ARHGEF26: variants seen among roughly 807,000 people sequenced by gnomAD.
ARHGEF26 encodes Rho guanine nucleotide exchange factor (GEF) 26.
ARHGEF26 carries 59 observed loss-of-function variants against 89.4 expected under a neutral mutation model. The ratio of observed to expected loss-of-function variants is 0.66; its 90% CI spans 0.54 to 0.82. ARHGEF26 has a LOEUF of 0.82. ARHGEF26 is among the 40% of genes least tolerant of loss of function. The pLI is 0.00. For missense variants in ARHGEF26, 1,234 were observed against 1,085.6 expected (o/e 1.14, Z -1.92); for synonymous variants, 500 against 428.4 (o/e 1.17, Z -2.06).
At chr3:154,202,038 G>C (rs1368025895) in intron 9 of ARHGEF26, among the ~76,000 whole-genome samples, 1 of 152,100 alleles carries the variant, frequency 6.6e-6, no homozygotes, top group Non-Finnish European at 1.5e-5. Flanking sequence ...TTTGGCTTTT[G>C]TTGCCATTTG....
At chr3:154,206,805 G>C (rs151021164) in intron 9 of ARHGEF26, among the ~76,000 whole-genome samples, 1 of 152,122 alleles carries the variant, frequency 6.6e-6, no homozygotes, top group Non-Finnish European at 1.5e-5. Context: ...AAATAGCCAA[G>C]GCAATTCTAA....
chr3:154,160,809 A>G (rs776072252), intron 6 of ARHGEF26, among the ~76,000 whole-genome samples: 3 of 152,160 alleles, frequency 2.0e-5, no homozygotes, highest in Admixed American at 6.6e-5. Flanking sequence ...GGTTAAAGGT[A>G]ATTCCTAGGT....
At chr3:154,170,880 A>T (rs1712389392) in intron 6 of ARHGEF26, among the ~76,000 whole-genome samples, 1 of 152,208 alleles carries the variant, frequency 6.6e-6, no homozygotes, top group Non-Finnish European at 1.5e-5. Flanking sequence ...TAATGTAAGG[A>T]TGATTCATAA....
intron 6 of ARHGEF26, among the ~76,000 whole-genome samples, chr3:154,168,985 T>TG (rs1712230821): frequency 6.7e-6 from 1 of 149,190 alleles, no homozygotes; most frequent in Non-Finnish European, 1.5e-5. Context: ...AAGACTGTAG[T>TG]GAAAAAAAAA....
At chr3:154,175,971 G>A (rs549589791) in intron 6 of ARHGEF26, among the ~76,000 whole-genome samples, 1 of 152,200 alleles carries the variant, frequency 6.6e-6, no homozygotes, top group Non-Finnish European at 1.5e-5. Context: ...TTTGTTATTA[G>A]CACAGGTGCC....
chr3:154,226,690 CACACA>C (rs1559912587), intron 11 of ARHGEF26, among the ~76,000 whole-genome samples: 1 of 151,964 alleles, frequency 6.6e-6, no homozygotes, highest in South Asian at 2.1e-4. Context: ...CACACACACA[CACACA>C]CCCCTTCAGC....
At position 154,122,226 on chromosome 3, in the gene ARHGEF26, TAGG is replaced by T. The variant is rs1717990278; in HGVS notation, c.237_239del (p.Arg79del). The T allele has an allele frequency of 6.2e-7, 1 of 1,609,400 alleles. No homozygotes were observed. Among genetic ancestry groups the T allele is most frequent in the Non-Finnish European group, 8.5e-7 (1 of 1,178,268 alleles). ...CCGCCTCGGACAGCAGGACGGTACA[TAGG>T]AGCCCCCTGCTTCTGGGCGCCCAGC... On this transcript the variant is annotated inframe_deletion, in exon 2 of 15. Transcript: ENST00000465093.
chr3:154,190,629 T>G (rs1713894759), intron 7 of ARHGEF26, among the ~76,000 whole-genome samples: 1 of 152,234 alleles, frequency 6.6e-6, no homozygotes, highest in Non-Finnish European at 1.5e-5. Context: ...AATCCCTATC[T>G]GGCCTTCCTT....
intron 6 of ARHGEF26, among the ~76,000 whole-genome samples, chr3:154,169,330 C>T (rs560553606): frequency 1.3e-5 from 2 of 152,004 alleles, no homozygotes; most frequent in East Asian, 1.9e-4. Flanking sequence ...AAAATCAATA[C>T]TTGTGGTTTT....
intron 6 of ARHGEF26, among the ~76,000 whole-genome samples, chr3:154,166,144 C>A (rs549537842): frequency 6.6e-6 from 1 of 152,090 alleles, no homozygotes; most frequent in Non-Finnish European, 1.5e-5. Context: ...CATGTTCAAG[C>A]GATTCTCCTG....
Position 154,254,773 on chromosome 3 carries a change from C to A in ARHGEF26, c.2422C>A (p.Leu808Ile). Reference protein sequence around the residue: ...RSFTAKQPDELSLQVADVVLI... With the variant: ...RSFTAKQPDEISLQVADVVLI... ...ATTTACTGCTAAGCAGCCAGATGAA[C>A]TCTCCCTGCAGGTGGCTGACGTCGT... Residue 808 changes from leucine to isoleucine, a missense_variant, in exon 14 of 15, where the codon CTC becomes ATC. Coordinates refer to ENST00000465093, the MANE Select transcript of ARHGEF26 (RefSeq NM_015595.4). 1 of 1,613,930 alleles carries A rather than the reference C, an allele frequency of 6.2e-7. No homozygotes were observed. Among genetic ancestry groups the A allele is most frequent in the South Asian group, 1.1e-5 (1 of 91,080 alleles).
intron 11 of ARHGEF26, among the ~76,000 whole-genome samples, chr3:154,233,866 G>T (rs1298050406): frequency 6.6e-6 from 1 of 152,240 alleles, no homozygotes; most frequent in Non-Finnish European, 1.5e-5. Flanking sequence ...GGAAACATTT[G>T]TTGTGGCACC....
chr3:154,152,692 C>A (rs1720092568), intron 5 of ARHGEF26, 80 bp from the exon 6 acceptor site: 3 of 1,128,554 alleles, frequency 2.7e-6, no homozygotes, highest in East Asian at 2.9e-5. Flanking sequence ...TCTTGTTATT[C>A]TTACAGCAAA....
At chr3:154,214,440 T>C (rs946322934) in intron 9 of ARHGEF26, among the ~76,000 whole-genome samples, 2 of 151,668 alleles carry the variant, frequency 1.3e-5, no homozygotes, top group Admixed American at 1.3e-4. Flanking sequence ...GAGACTTGGA[T>C]TGTATGTGGA....
chr3:154,254,250 T>C (rs376752288), intron 13 of ARHGEF26, among the ~76,000 whole-genome samples: 2 of 152,336 alleles, frequency 1.3e-5, no homozygotes, highest in African/African-American at 4.8e-5. Flanking sequence ...TAACATGACT[T>C]CTCAGCTTTT....
intron 10 of ARHGEF26, among the ~76,000 whole-genome samples, chr3:154,219,860 G>T (rs1382087877): frequency 1.3e-5 from 2 of 151,846 alleles, no homozygotes; most frequent in Non-Finnish European, 1.5e-5. Context: ...CTTGCAGTGA[G>T]CCGAGATCGT....
At chr3:154,138,563 G>A (rs963867707) in intron 4 of ARHGEF26, among the ~76,000 whole-genome samples, 1 of 152,166 alleles carries the variant, frequency 6.6e-6, no homozygotes, top group Admixed American at 6.5e-5. Flanking sequence ...GTTGGGATAT[G>A]GGGGTGTGTG....
rs1246760652 is a variant in ARHGEF26, at chr3:154,122,178, G to A, written c.186G>A (p.Ala62=). 1.3e-6 allele frequency: 2 copies of A among 1,599,224 alleles called. No individual in the cohort carries two copies. Among genetic ancestry groups the A allele is most frequent in the Non-Finnish European group, 8.5e-7 (1 of 1,173,138 alleles). Residue 62 remains alanine, a synonymous_variant, in exon 2 of 15, where the codon GCG becomes GCA. Transcript: ENST00000465093. ...AGGACGGAGGGACGCTCCTCGCAGC[G>A]CAGATTCCCGCCCAGGTGCCCACCG... ...PVEDGGTLLA[A]QIPAQVPTAS... is the part of the protein sequence containing the mutation.
chr3:154,250,400 C>CA (rs1461400484), intron 12 of ARHGEF26, among the ~76,000 whole-genome samples: 1 of 152,134 alleles, frequency 6.6e-6, no homozygotes, highest in Non-Finnish European at 1.5e-5. Flanking sequence ...GGGTGGGACT[C>CA]ACTCAATTGA....
Sources: allele counts gnomAD v4.1 joint callset (sites outside exome capture counted in the v4.1 genomes callset), GRCh38; gene constraint gnomAD v4.1.1; transcripts MANE v1.5; gene names NCBI Gene and HGNC (gene_info 2026-07-23, HGNC 2026-07-21).